TMEM135: variants seen among roughly 807,000 people sequenced by gnomAD.
TMEM135 encodes peroxisomal membrane protein 52.
Under a neutral mutation model 60.3 loss-of-function variants are expected in TMEM135, and 30 were observed. That is an observed-to-expected ratio of 0.50 (90% CI 0.37 to 0.68). The LOEUF is 0.68. Among genes scored for constraint, TMEM135 ranks in the 30% least tolerant of loss-of-function variants. TMEM135 has a pLI of 0.00. For synonymous variants in TMEM135, 190 were observed against 186.7 expected (o/e 1.02, Z -0.14); for missense variants, 468 against 548.8 (o/e 0.85, Z 1.47).
chr11:87,157,524 A>C lies in TMEM135; in HGVS notation c.462+118A>C, dbSNP rs1163494457. 4 of 870,774 alleles carry C rather than the reference A, an allele frequency of 4.6e-6. No individual in the cohort carries two copies. The African/African-American group carries it at 5.1e-5, about 11-fold the overall frequency. The allele number at this position is 870,774 out of a possible 1,614,324, so 53.9% of individuals were successfully genotyped here. On this transcript the variant is annotated intron_variant, in intron 5 of 14. Transcript: ENST00000305494. ...TAAGAAATAGAGAGATATCTGATGTATATAATATTGAGTGTACCTGATGAA... is the reference window on the plus strand; with the variant it reads ...TAAGAAATAGAGAGATATCTGATGTCTATAATATTGAGTGTACCTGATGAA...
rs1377426199 is a variant in TMEM135, at chr11:87,328,017, C to G, written c.*6684C>G. ...CCAATCTCCTCTGGAAACACCCTCACAGACACACCCCAAAATAATGCCTTA... is the reference window on the plus strand; with the variant it reads ...CCAATCTCCTCTGGAAACACCCTCAGAGACACACCCCAAAATAATGCCTTA... On this transcript the variant is annotated 3_prime_UTR_variant, in exon 15 of 15. Transcript: ENST00000305494. The G allele has an allele frequency of 2.2e-6, 1 of 454,088 alleles. No individual in the cohort carries two copies. Among genetic ancestry groups the G allele is most frequent in the Non-Finnish European group, 4.4e-6 (1 of 226,790 alleles). 28.1% of individuals were successfully genotyped at this position (454,088 alleles called of 1,614,324 possible).
rs565641247 is a variant in TMEM135 at position 87,119,630 on chromosome 11, G to C, written c.396+28235G>C. Among the ~76,000 whole-genome samples, 33 of 152,374 alleles carry C rather than the reference G, an allele frequency of 2.2e-4. 1 individual carries two copies. The South Asian group carries it at 6.6e-3, about 31-fold the overall frequency. On this transcript the variant is annotated intron_variant, in intron 4 of 14. Transcript: ENST00000305494. ...AGGCATGAATCACTTGAACCTGGGAGGTGGAGGTTGCAGTGAGCTGAGATC... is the reference window on the plus strand; with the variant it reads ...AGGCATGAATCACTTGAACCTGGGACGTGGAGGTTGCAGTGAGCTGAGATC...
Position 87,322,933 on chromosome 11 carries a change from A to G in TMEM135, c.*1600A>G. The G allele has an allele frequency of 2.2e-6, 1 of 454,418 alleles. No individual in the cohort carries two copies. The highest frequency in any genetic ancestry group is 1.6e-5 in the South Asian group (1 of 64,456). The allele number at this position is 454,418 out of a possible 1,614,324, so 28.1% of individuals were successfully genotyped here. A position where few individuals can be genotyped will look rare whatever the true frequency, so the allele number is the denominator to read the frequency against. ...CGGTTTCAGACTTCAAAGTTGATTAATAAATTTAATCTTAACTTTTTATTC... is the reference window on the plus strand; with the variant it reads ...CGGTTTCAGACTTCAAAGTTGATTAGTAAATTTAATCTTAACTTTTTATTC... On this transcript the variant is annotated 3_prime_UTR_variant, in exon 15 of 15. Coordinates refer to ENST00000305494, the MANE Select transcript of TMEM135 (RefSeq NM_022918.4).
At chr11:87,310,803 C>A (rs1942628076) in intron 10 of TMEM135, among the ~76,000 whole-genome samples, 2 of 151,614 alleles carry the variant, frequency 1.3e-5, no homozygotes, top group African/African-American at 4.8e-5. Context: ...TTTTTTTAAT[C>A]TACAATCACA....
At chr11:87,093,961 G>T (rs188687209) in intron 4 of TMEM135, among the ~76,000 whole-genome samples, 3 of 151,960 alleles carry the variant, frequency 2.0e-5, no homozygotes, top group Non-Finnish European at 4.4e-5. Flanking sequence ...TAAATGTTAC[G>T]TAAATATTCA....
In TMEM135 at chr11:87,190,361, T is replaced by G. The variant is rs973348605; in HGVS notation, c.462+32955T>G. Among the ~76,000 whole-genome samples, 3 of 152,194 alleles carry G rather than the reference T, an allele frequency of 2.0e-5. No homozygotes were observed. The South Asian group carries it at 6.2e-4, about 32-fold the overall frequency. On this transcript the variant is annotated intron_variant, in intron 5 of 14. Coordinates refer to ENST00000305494, the MANE Select transcript of TMEM135 (RefSeq NM_022918.4). ...AAGTAGTGGTAATGATGGTGTTCGG[T>G]GAGAGAGAGGGAGAGAGAAGGAGAG...
intron 4 of TMEM135, among the ~76,000 whole-genome samples, chr11:87,142,194 C>T (rs1326450561): frequency 6.6e-6 from 1 of 152,144 alleles, no homozygotes. Context: ...TGGATGAGCT[C>T]GAGCAGGTCT....
At chr11:87,257,364 A>G (rs2135397647) in intron 6 of TMEM135, among the ~76,000 whole-genome samples, 1 of 152,098 alleles carries the variant, frequency 6.6e-6, no homozygotes, top group African/African-American at 2.4e-5. Context: ...TCTTTTGTTT[A>G]AGTTCTGTGT....
At chr11:87,249,629 C>A (rs1941370021) in intron 6 of TMEM135, among the ~76,000 whole-genome samples, 1 of 151,986 alleles carries the variant, frequency 6.6e-6, no homozygotes, top group Admixed American at 6.6e-5. Flanking sequence ...TACTGATTTG[C>A]TTATGTTGAA....
intron 5 of TMEM135, among the ~76,000 whole-genome samples, chr11:87,191,014 G>T (rs1939785504): frequency 6.6e-6 from 1 of 151,988 alleles, no homozygotes; most frequent in Admixed American, 6.6e-5. Context: ...TGCAACATAG[G>T]TTCTTATGAA....
At chr11:87,234,111 CA>C (rs1369229384) in intron 5 of TMEM135, among the ~76,000 whole-genome samples, 4 of 151,944 alleles carry the variant, frequency 2.6e-5, no homozygotes, top group Non-Finnish European at 5.9e-5. Flanking sequence ...AAAATCCTTC[CA>C]GGGGCTCTAT....
chr11:87,062,416 A>ACCCC (rs1207147759), intron 1 of TMEM135, among the ~76,000 whole-genome samples: 2 of 618 alleles, frequency 3.2e-3, no homozygotes, highest in African/African-American at 0.018. Context: ...TTTCCCCCCA[A>ACCCC]GCCCCCCCCC....
chr11:87,259,646 T>C (rs1413595380), intron 6 of TMEM135, among the ~76,000 whole-genome samples: 2 of 152,196 alleles, frequency 1.3e-5, no homozygotes, highest in Non-Finnish European at 2.9e-5. Context: ...AAGTACACCA[T>C]CGATATACAA....
chr11:87,315,433 G>A (rs899795982), intron 12 of TMEM135, among the ~76,000 whole-genome samples: 1 of 151,798 alleles, frequency 6.6e-6, no homozygotes, highest in African/African-American at 2.4e-5. Context: ...ATCACATGAC[G>A]AGGCACAAAA....
chr11:87,193,990 GAGA>G (rs1438717731), intron 5 of TMEM135, among the ~76,000 whole-genome samples: 1 of 151,972 alleles, frequency 6.6e-6, no homozygotes, highest in African/African-American at 2.4e-5. Context: ...CTTACTAGCA[GAGA>G]AGATTAATGT....
intron 3 of TMEM135, among the ~76,000 whole-genome samples, chr11:87,088,456 T>C (rs1479703910): frequency 2.0e-5 from 3 of 152,160 alleles, no homozygotes; most frequent in African/African-American, 7.2e-5. Context: ...GAAACAAATA[T>C]TCTCCAAACT....
At chr11:87,120,090 T>TA (rs1858004808) in intron 4 of TMEM135, among the ~76,000 whole-genome samples, 1 of 147,172 alleles carries the variant, frequency 6.8e-6, no homozygotes, top group Admixed American at 7.2e-5. Flanking sequence ...TAAATGAACT[T>TA]ATTAGTCTGT....
intron 1 of TMEM135, among the ~76,000 whole-genome samples, chr11:87,039,330 A>G (rs1201853168): frequency 1.3e-5 from 2 of 152,182 alleles, no homozygotes; most frequent in African/African-American, 4.8e-5. Context: ...GAATCCTCTG[A>G]GGATTATGTT....
intron 12 of TMEM135, among the ~76,000 whole-genome samples, chr11:87,317,509 G>A (rs950509888): frequency 6.6e-6 from 1 of 152,042 alleles, no homozygotes; most frequent in Non-Finnish European, 1.5e-5. Flanking sequence ...TGTATGTAAA[G>A]TATCCACCTT....
Sources: gnomAD v4.1 joint callset for allele counts (sites outside exome capture counted in the v4.1 genomes callset) on GRCh38, gnomAD v4.1.1 for gene constraint, MANE v1.5 for transcripts, NCBI Gene and HGNC (gene_info 2026-07-23, HGNC 2026-07-21) for gene names.